The following GCNT1 variants were observed in gnomAD, a reference collection of about 807,000 sequenced individuals.
GCNT1 encodes the protein beta-1,3-galactosyl-O-glycosyl-glycoprotein beta-1,6-N-acetylglucosaminyltransferase.
In GCNT1, 16 loss-of-function variants were observed where a neutral mutation model predicts 26.2. The ratio of observed to expected loss-of-function variants is 0.61; its 90% CI spans 0.41 to 0.93. The LOEUF is 0.93. Ranked by LOEUF, GCNT1 falls within the 40% of genes least tolerant of loss-of-function variation. The pLI is 0.00. For synonymous variants in GCNT1, 183 were observed against 190.8 expected (o/e 0.96, Z 0.34); for missense variants, 477 against 526.7 (o/e 0.91, Z 0.92).
intron 2 of GCNT1, among the ~76,000 whole-genome samples, chr9:76,497,399 G>C (rs1223126336): frequency 6.6e-6 from 1 of 152,112 alleles, no homozygotes; most frequent in East Asian, 1.9e-4. Flanking sequence ...CTTGAAATTA[G>C]GTTGGTTAAT....
At chr9:76,426,007 G>C (rs1424226327) in intron 1 of GCNT1, among the ~76,000 whole-genome samples, 1 of 152,098 alleles carries the variant, frequency 6.6e-6, no homozygotes, top group African/African-American at 2.4e-5. Context: ...ATTTGGGGAG[G>C]GTCAGAATCT....
intron 2 of GCNT1, among the ~76,000 whole-genome samples, chr9:76,467,828 G>A (rs1195873056): frequency 2.0e-5 from 3 of 149,284 alleles, no homozygotes; most frequent in Non-Finnish European, 3.0e-5. Flanking sequence ...TTGAAAGGAA[G>A]TGTAAGAACC....
At chr9:76,498,361 G>A (rs1293517011) in intron 2 of GCNT1, among the ~76,000 whole-genome samples, 1 of 152,094 alleles carries the variant, frequency 6.6e-6, no homozygotes, top group Non-Finnish European at 1.5e-5. Flanking sequence ...TAGGTCATAT[G>A]GTAACTCTAG....
chr9:76,421,686 G>GTTTTTTT lies in GCNT1; in HGVS notation n.38+1801_38+1802insTTTTTTT, dbSNP rs375605387. On this transcript the variant is annotated intron_variant and non_coding_transcript_variant, in intron 1 of 3. Transcript: ENST00000488136. ...TGATGGCAACTCAATTTGTTTGTAG[G>GTTTTTTT]TTGTTTTTTTTTTTTTTTTTTTTTT... 3.4e-4 allele frequency among the ~76,000 whole-genome samples: 29 copies of GTTTTTTT among 84,384 alleles called. 4 individuals carry two copies. Among genetic ancestry groups the GTTTTTTT allele is most frequent in the African/African-American group, 5.8e-4 (12 of 20,604 alleles). The allele number at this position is 84,384 out of a possible 152,430, so 55.4% of individuals were successfully genotyped here.
At chr9:76,413,653 GTTTTTTTTT>G in the GCNT1 span, among the ~76,000 whole-genome samples, 3 of 118,664 alleles carry the variant, frequency 2.5e-5, no homozygotes, top group Non-Finnish European at 5.3e-5. Flanking sequence ...GTTTTGTTTT[GTTTTTTTTT>G]TTTTTGTTTT....
chr9:76,467,687 C>G (rs1176973516), intron 2 of GCNT1, among the ~76,000 whole-genome samples: 2 of 152,020 alleles, frequency 1.3e-5, no homozygotes, highest in African/African-American at 4.8e-5. Context: ...CCCCTGCTGC[C>G]TGGAGTTTAC....
chr9:76,458,409 C>G (rs1254577595), upstream of GCNT1, among the ~76,000 whole-genome samples: 6 of 152,164 alleles, frequency 3.9e-5, no homozygotes, highest in Non-Finnish European at 8.8e-5. Flanking sequence ...GTCTCGATCT[C>G]CTGACCTGGT....
chr9:76,408,288 C>T, the GCNT1 span, among the ~76,000 whole-genome samples: 1 of 152,018 alleles, frequency 6.6e-6, no homozygotes, highest in Admixed American at 6.6e-5. Context: ...TGAAGAAGTT[C>T]CCTTTTATTC....
the GCNT1 span, among the ~76,000 whole-genome samples, chr9:76,405,832 G>C: frequency 1.1e-3 from 168 of 152,266 alleles, 1 homozygote; most frequent in Non-Finnish European, 3.7e-4. Flanking sequence ...TGGCAGTTCT[G>C]AATAAAGCTG....
rs564535446 is a variant in GCNT1 at position 76,487,255 on chromosome 9, G to A, written c.-289-13661G>A. On this transcript the variant is annotated intron_variant, in intron 2 of 3. Coordinates refer to ENST00000376730, the MANE Select transcript of GCNT1 (RefSeq NM_001490.5). Reference sequence around the variant, plus strand: ...CTTCCCTTGACCTACCTTGGGTGGCGTTTGGGCTCCCTCACTTGGGTCACA... The same window carrying A: ...CTTCCCTTGACCTACCTTGGGTGGCATTTGGGCTCCCTCACTTGGGTCACA... 4.1e-4 allele frequency among the ~76,000 whole-genome samples: 63 copies of A among 152,240 alleles called. 1 individual carries two copies. Among genetic ancestry groups the A allele is most frequent in the Non-Finnish European group, 2.8e-4 (19 of 68,014 alleles).
intron 1 of GCNT1, among the ~76,000 whole-genome samples, chr9:76,446,692 A>G (rs1024711885): frequency 3.3e-5 from 5 of 152,222 alleles, no homozygotes; most frequent in Non-Finnish European, 7.3e-5. Context: ...ATATCATGGC[A>G]TAGCCCCGTA....
the GCNT1 span, among the ~76,000 whole-genome samples, chr9:76,398,297 T>G: frequency 2.0e-5 from 3 of 152,200 alleles, no homozygotes; most frequent in African/African-American, 7.2e-5. Context: ...GCAAAAGATC[T>G]GAATAAGCAT....
Position 76,504,366 on chromosome 9 carries a change from G to A in GCNT1, c.*698G>A, listed in dbSNP as rs1825177520. On this transcript the variant is annotated 3_prime_UTR_variant, in exon 4 of 4. Transcript: ENST00000376730. ...ACAAATCATCTTATGTTATTAGCAA[G>A]GTTAAGACATCTTTTTTAAAAAAAT... The A allele has an allele frequency of 5.6e-6, 1 of 177,158 alleles. No individual in the cohort carries two copies. Among genetic ancestry groups the A allele is most frequent in the African/African-American group, 2.4e-5 (1 of 41,906 alleles). 11.0% of individuals were successfully genotyped at this position (177,158 alleles called of 1,614,324 possible). A position where few individuals can be genotyped will look rare whatever the true frequency, so the allele number is the denominator to read the frequency against.
At chr9:76,419,741 T>C (rs1447500002), upstream of GCNT1, 2 of 152,242 alleles carry the variant, frequency 1.3e-5, no homozygotes, top group Admixed American at 1.3e-4. Context: ...ATCATACTGC[T>C]ACATTGTGAC....
chr9:76,482,730 A>G (rs562883569), intron 2 of GCNT1, among the ~76,000 whole-genome samples: 1 of 151,796 alleles, frequency 6.6e-6, no homozygotes, highest in East Asian at 1.9e-4. Context: ...TTGCAGCCTC[A>G]ATCTCCTGGG....
At chr9:76,488,885 G>A in intron 2 of GCNT1, among the ~76,000 whole-genome samples, 1 of 152,168 alleles carries the variant, frequency 6.6e-6, no homozygotes, top group Non-Finnish European at 1.5e-5. Flanking sequence ...TTTCCTGTTT[G>A]TTCTAGTCAT....
At chr9:76,413,550 T>C in the GCNT1 span, among the ~76,000 whole-genome samples, 3 of 152,202 alleles carry the variant, frequency 2.0e-5, no homozygotes, top group African/African-American at 4.8e-5. Context: ...TTCTCCTCTA[T>C]AGGTAAAGTG....
the GCNT1 span, among the ~76,000 whole-genome samples, chr9:76,409,608 G>A: frequency 6.6e-6 from 1 of 151,864 alleles, no homozygotes; most frequent in Non-Finnish European, 1.5e-5. Flanking sequence ...ACCATGGCCT[G>A]CTAATTTTTG....
At chr9:76,451,948 C>CTTTTTTTTTTTTTTTTTT (rs747978017) in intron 1 of GCNT1, among the ~76,000 whole-genome samples, 15 of 98,322 alleles carry the variant, frequency 1.5e-4, no homozygotes, top group African/African-American at 3.2e-4. Context: ...TTCTTTCTTT[C>CTTTTTTTTTTTTTTTTTT]TTTTTTTTTT....
Sources: gnomAD v4.1 joint callset for allele counts (sites outside exome capture counted in the v4.1 genomes callset) on GRCh38, gnomAD v4.1.1 for gene constraint, MANE v1.5 for transcripts, NCBI Gene and HGNC (gene_info 2026-07-23, HGNC 2026-07-21) for gene names.